Variants in PFKP observed in about 807,000 individuals in gnomAD.
PFKP encodes the protein phosphofructokinase, platelet, also known as ATP-dependent 6-phosphofructokinase, platelet type.
In PFKP, 101 loss-of-function variants were observed where a neutral mutation model predicts 94.3. The observed-to-expected ratio is 1.07, with a 90% confidence interval of 0.91 to 1.26. The LOEUF is 1.26. Ranked by LOEUF, PFKP falls within the 50% of genes most tolerant of loss-of-function variation. The pLI is 0.00. For synonymous variants in PFKP, 573 were observed against 432.6 expected (o/e 1.32, Z -4.03); for missense variants, 1,145 against 1,103.3 (o/e 1.04, Z -0.53).
intron 1 of PFKP, among the ~76,000 whole-genome samples, chr10:3,081,977 CTTTTTTTTTTTTTTTTTTTT>C (rs547880338): frequency 5.8e-5 from 4 of 68,440 alleles, no homozygotes; most frequent in Non-Finnish European, 7.6e-5. Context: ...AGCCCATTGC[CTTTTTTTTTTTTTTTTTTTT>C]TTTTTTTTTT....
intron 2 of PFKP, among the ~76,000 whole-genome samples, chr10:3,090,548 G>A (rs374784630): frequency 5.3e-5 from 8 of 152,130 alleles, no homozygotes; most frequent in Admixed American, 3.9e-4. Flanking sequence ...GCACTGAAGA[G>A]GCTCAGCCCC....
intron 16 of PFKP, among the ~76,000 whole-genome samples, chr10:3,123,049 AT>A (rs1226989773): frequency 6.6e-6 from 1 of 152,032 alleles, no homozygotes; most frequent in Non-Finnish European, 1.5e-5. Flanking sequence ...CTCTCTCATG[AT>A]TTCCTTCTTG....
chr10:3,097,114 G>A (rs1292932777), intron 2 of PFKP, among the ~76,000 whole-genome samples: 2 of 149,624 alleles, frequency 1.3e-5, no homozygotes, highest in African/African-American at 5.0e-5. Context: ...GGAGTTTGGG[G>A]TGGTAGAGAT....
intron 10 of PFKP, among the ~76,000 whole-genome samples, chr10:3,111,178 ATGTT>A (rs1296024118): frequency 1.3e-5 from 2 of 150,818 alleles, no homozygotes; most frequent in Non-Finnish European, 3.0e-5. Flanking sequence ...ATGTGTGTGT[ATGTT>A]TGTGAGAGGT....
chr10:3,102,857 C>T (rs960191840), intron 4 of PFKP, among the ~76,000 whole-genome samples: 4 of 152,244 alleles, frequency 2.6e-5, no homozygotes, highest in Non-Finnish European at 5.9e-5. Flanking sequence ...GAAGGCTGCC[C>T]GTTGGAAGCA....
chr10:3,073,833 T>C (rs1162626105), intron 1 of PFKP, among the ~76,000 whole-genome samples: 1 of 152,002 alleles, frequency 6.6e-6, no homozygotes, highest in African/African-American at 2.4e-5. Context: ...GTGTTTTTTT[T>C]GTTTGTTTGT....
intron 2 of PFKP, among the ~76,000 whole-genome samples, chr10:3,094,453 T>C (rs1454720132): frequency 1.3e-5 from 2 of 152,232 alleles, no homozygotes; most frequent in Non-Finnish European, 2.9e-5. Flanking sequence ...GGCTGCTCTA[T>C]AGAAATTTTC....
At chr10:3,088,856 G>A (rs775515082) in intron 2 of PFKP, among the ~76,000 whole-genome samples, 33 of 150,300 alleles carry the variant, frequency 2.2e-4, no homozygotes, top group African/African-American at 3.4e-4. Context: ...TGCAGTTCTC[G>A]TCTCTATGAG....
Position 3,136,696 on chromosome 10 carries a change from T to TGGTGGG in PFKP, c.*118_*119insGTGGGG. The TGGTGGG allele has an allele frequency of 9.3e-7, 1 of 1,070,862 alleles. No homozygotes were observed. Among genetic ancestry groups the TGGTGGG allele is most frequent in the South Asian group, 1.5e-5 (1 of 65,638 alleles). The allele number at this position is 1,070,862 out of a possible 1,614,324, so 66.3% of individuals were successfully genotyped here. A position where few individuals can be genotyped will look rare whatever the true frequency, so the allele number is the denominator to read the frequency against. The stretch of plus-strand genomic sequence containing the variant: ...TTGACATTAATACCTAATCGGCGAG[T>TGGTGGG]GCCCATCTGCCCCACCTGCTCCAGT... On this transcript the variant is annotated 3_prime_UTR_variant, in exon 22 of 22. Transcript: ENST00000381125.
intron 9 of PFKP, 22 bp from the exon 10 acceptor site, chr10:3,109,333 C>T (rs775128151): frequency 6.2e-7 from 1 of 1,607,102 alleles, no homozygotes. Flanking sequence ...CTGCCCCTGA[C>T]CCACATGGAC....
chr10:3,095,206 A>G (rs1238244446), intron 2 of PFKP, among the ~76,000 whole-genome samples: 2 of 150,566 alleles, frequency 1.3e-5, no homozygotes, highest in Non-Finnish European at 3.0e-5. Context: ...AAAAAAAAAA[A>G]CTTACATATG....
chr10:3,120,098 C>T, intron 16 of PFKP, 54 bp downstream of exon 16: 10 of 1,554,418 alleles, frequency 6.4e-6, no homozygotes, highest in Non-Finnish European at 8.8e-6. Context: ...AACCCCGGGG[C>T]CCCGGCCCTT....
chr10:3,084,232 G>A (rs1046090958), intron 2 of PFKP, among the ~76,000 whole-genome samples: 2 of 152,178 alleles, frequency 1.3e-5, no homozygotes, highest in Non-Finnish European at 2.9e-5. Flanking sequence ...GTCCAGCCTC[G>A]TCCCAGCCCC....
In PFKP at chr10:3,112,956, T is replaced by TA. The variant is rs1448823113; in HGVS notation, c.1155-161dup. 5.3e-5 allele frequency among the ~76,000 whole-genome samples: 8 copies of TA among 152,258 alleles called. No individual in the cohort carries two copies. The East Asian group carries it at 1.5e-3, about 29-fold the overall frequency. On this transcript the variant is annotated intron_variant, in intron 11 of 21. Coordinates refer to ENST00000381125, the MANE Select transcript of PFKP (RefSeq NM_002627.5). ...CACGGACAGCACCGCGGGTCGCGGC[T>TA]AAGGGCTCTGCCATGCACATGGAAC...
At chr10:3,101,134 C>CA in intron 3 of PFKP, 1 of 808,032 alleles carries the variant, frequency 1.2e-6, no homozygotes, top group Non-Finnish European at 2.0e-6. Context: ...TCTGGCTCTG[C>CA]ACCCTCCCTG....
intron 2 of PFKP, among the ~76,000 whole-genome samples, chr10:3,086,633 C>T (rs1364841604): frequency 1.3e-5 from 2 of 151,926 alleles, no homozygotes; most frequent in East Asian, 1.9e-4. Context: ...GAAACAAGGC[C>T]GAGGGACCCT....
At chr10:3,121,448 A>G (rs1837391347) in intron 16 of PFKP, among the ~76,000 whole-genome samples, 1 of 152,112 alleles carries the variant, frequency 6.6e-6, no homozygotes, top group African/African-American at 2.4e-5. Context: ...AATGGGAGGG[A>G]CTGAAGCTTC....
rs139447155 is a variant in PFKP, at chr10:3,076,639, C to T, written c.113-5749C>T. On this transcript the variant is annotated intron_variant, in intron 1 of 21. Coordinates refer to ENST00000381125, the MANE Select transcript of PFKP (RefSeq NM_002627.5). ...ATTTGTTCACTGTGTTTCTTGCTTT[C>T]GGGTCTCTCCTGATCGGAACAAGCT... 5.1e-4 allele frequency among the ~76,000 whole-genome samples: 78 copies of T among 152,138 alleles called. 2 individuals are homozygous for T. The highest frequency in any genetic ancestry group is 4.3e-3 in the Admixed American group (66 of 15,284).
intron 4 of PFKP, among the ~76,000 whole-genome samples, chr10:3,103,501 C>T (rs1211492613): frequency 1.3e-5 from 2 of 152,256 alleles, no homozygotes; most frequent in East Asian, 3.9e-4. Flanking sequence ...AGAAATCAGC[C>T]AGGCATAGTT....
Sources: allele counts gnomAD v4.1 joint callset (sites outside exome capture counted in the v4.1 genomes callset), GRCh38; gene constraint gnomAD v4.1.1; transcripts MANE v1.5; gene names NCBI Gene and HGNC (gene_info 2026-07-23, HGNC 2026-07-21).